Variants in MAGI2 observed in about 807,000 individuals in gnomAD.
MAGI2 encodes membrane-associated guanylate kinase, WW and PDZ domain-containing protein 2.
A neutral mutation model predicts 133.3 loss-of-function variants in MAGI2; 35 were observed. The ratio of observed to expected loss-of-function variants is 0.26; its 90% CI spans 0.20 to 0.35. The LOEUF (loss-of-function observed/expected upper bound fraction) is 0.35. Among genes scored for constraint, MAGI2 ranks in the 10% least tolerant of loss-of-function variants. The pLI is 1.00. For synonymous variants in MAGI2, 729 were observed against 710.6 expected, an observed-to-expected ratio of 1.03 and a Z score of -0.41; for missense variants, 1,636 against 1,863.4, an observed-to-expected ratio of 0.88 and a Z score of 2.25.
chr7:79,433,796 G>C (rs534669613), intron 1 of MAGI2, among the ~76,000 whole-genome samples: 227 of 151,794 alleles, frequency 1.5e-3, no homozygotes, highest in African/African-American at 5.2e-3. Flanking sequence ...ATTCACACAT[G>C]AATAAAAAAA....
intron 20 of MAGI2, among the ~76,000 whole-genome samples, chr7:78,094,348 T>C (rs1817513328): frequency 1.3e-5 from 2 of 152,224 alleles, no homozygotes; most frequent in African/African-American, 4.8e-5. Context: ...TCTTGCATTT[T>C]CTAGTAATCT....
At chr7:78,692,436 T>C (rs892214354) in intron 2 of MAGI2, among the ~76,000 whole-genome samples, 4 of 152,116 alleles carry the variant, frequency 2.6e-5, no homozygotes, top group Non-Finnish European at 5.9e-5. Flanking sequence ...GTCGATTAAA[T>C]TGGACACTAG....
intron 2 of MAGI2, among the ~76,000 whole-genome samples, chr7:78,948,828 T>C (rs553232267): frequency 7.9e-5 from 12 of 152,102 alleles, no homozygotes; most frequent in Admixed American, 2.0e-4. Context: ...ATCACATTGA[T>C]AGTTTATTAT....
At chr7:79,175,551 A>G (rs547393018) in intron 1 of MAGI2, among the ~76,000 whole-genome samples, 1 of 152,102 alleles carries the variant, frequency 6.6e-6, no homozygotes, top group Non-Finnish European at 1.5e-5. Flanking sequence ...AAGTGCAGTC[A>G]TGTGTCATTT....
At chr7:78,099,833 T>A (rs1818041914) in intron 20 of MAGI2, among the ~76,000 whole-genome samples, 1 of 152,188 alleles carries the variant, frequency 6.6e-6, no homozygotes, top group Non-Finnish European at 1.5e-5. Context: ...AAATGGAAAA[T>A]TTACATGTAT....
chr7:78,606,442 G>T (rs1034260262), intron 3 of MAGI2, among the ~76,000 whole-genome samples: 1 of 151,726 alleles, frequency 6.6e-6, no homozygotes, highest in Admixed American at 6.6e-5. Context: ...ATAAGAAAAG[G>T]TGAAAGAGAC....
chr7:78,723,770 T>C (rs73150785), intron 2 of MAGI2, among the ~76,000 whole-genome samples: 6,829 of 152,184 alleles, frequency 0.045, 231 homozygotes, highest in Non-Finnish European at 0.069. Context: ...ATTAAATACA[T>C]GACAGGGAGT....
intron 6 of MAGI2, among the ~76,000 whole-genome samples, chr7:78,401,750 A>T (rs2151345668): frequency 6.6e-6 from 1 of 152,292 alleles, no homozygotes; most frequent in South Asian, 2.1e-4. Flanking sequence ...ATTTTATAGA[A>T]TTTAAGATAA....
intron 1 of MAGI2, among the ~76,000 whole-genome samples, chr7:79,211,198 T>C (rs182732053): frequency 6.6e-6 from 1 of 152,106 alleles, no homozygotes; most frequent in African/African-American, 2.4e-5. Context: ...TATATCTATA[T>C]GTATATCTGT....
Position 78,911,327 on chromosome 7 carries a change from T to C in MAGI2, c.418+95763A>G, listed in dbSNP as rs1047867460. Among the ~76,000 whole-genome samples the C allele has an allele frequency of 3.9e-5, 6 of 152,130 alleles. No individual in the cohort carries two copies. In the East Asian group the frequency reaches 5.8e-4, roughly 15 times the overall value. On this transcript the variant is annotated intron_variant, in intron 2 of 21. Coordinates refer to ENST00000354212, the MANE Select transcript of MAGI2 (RefSeq NM_012301.4). ...TGAATATTTGTATTCTCCCCAAATGTATATGTTGAAATTCTAACCCCAAGG... is the reference window on the plus strand; with the variant it reads ...TGAATATTTGTATTCTCCCCAAATGCATATGTTGAAATTCTAACCCCAAGG...
At chr7:78,162,641 G>T (rs1825186174) in intron 15 of MAGI2, among the ~76,000 whole-genome samples, 1 of 152,064 alleles carries the variant, frequency 6.6e-6, no homozygotes, top group Admixed American at 6.5e-5. Flanking sequence ...CTAAGTCAAT[G>T]TGAGGATTCC....
chr7:78,366,847 A>C (rs973716135), intron 7 of MAGI2, among the ~76,000 whole-genome samples: 1 of 152,170 alleles, frequency 6.6e-6, no homozygotes, highest in Admixed American at 6.5e-5. Flanking sequence ...TCAACTCTAT[A>C]AAATCATGTA....
chr7:78,240,158 A>G (rs1233582136), intron 10 of MAGI2, among the ~76,000 whole-genome samples: 1 of 152,126 alleles, frequency 6.6e-6, no homozygotes, highest in Non-Finnish European at 1.5e-5. Flanking sequence ...GATAGGCCCC[A>G]GTGTGTGATG....
At chr7:78,636,137 T>G (rs900438752) in intron 2 of MAGI2, among the ~76,000 whole-genome samples, 1 of 152,178 alleles carries the variant, frequency 6.6e-6, no homozygotes, top group African/African-American at 2.4e-5. Flanking sequence ...ATAGCCTCAA[T>G]AAAACACTAT....
chr7:79,056,137 A>G (rs568562335), intron 1 of MAGI2, among the ~76,000 whole-genome samples: 1 of 152,304 alleles, frequency 6.6e-6, no homozygotes, highest in South Asian at 2.1e-4. Flanking sequence ...TATGGCCTGT[A>G]AACTCCAGCC....
chr7:78,443,860 A>G (rs1305933508), intron 6 of MAGI2, among the ~76,000 whole-genome samples: 2 of 152,136 alleles, frequency 1.3e-5, no homozygotes, highest in Admixed American at 1.3e-4. Context: ...TGACGAGAGG[A>G]AGAACATGAC....
chr7:78,039,794 T>A (rs1349727647), intron 21 of MAGI2, among the ~76,000 whole-genome samples: 2 of 152,110 alleles, frequency 1.3e-5, no homozygotes, highest in Admixed American at 1.3e-4. Flanking sequence ...AAGGGTAGAG[T>A]GATTATGCTA....
At chr7:79,286,179 A>G (rs1009252745) in intron 1 of MAGI2, among the ~76,000 whole-genome samples, 5 of 152,070 alleles carry the variant, frequency 3.3e-5, no homozygotes, top group African/African-American at 1.2e-4. Flanking sequence ...AGGTTTCTTC[A>G]GATGTGGCTT....
chr7:78,623,771 A>C (rs1415425745), intron 3 of MAGI2, among the ~76,000 whole-genome samples: 4 of 152,180 alleles, frequency 2.6e-5, no homozygotes, highest in South Asian at 2.1e-4. Flanking sequence ...AACTAAGAAC[A>C]GTCATGCATT....
Sources: gnomAD v4.1 joint callset for allele counts (sites outside exome capture counted in the v4.1 genomes callset) on GRCh38, gnomAD v4.1.1 for gene constraint, MANE v1.5 for transcripts, NCBI Gene and HGNC (gene_info 2026-07-23, HGNC 2026-07-21) for gene names.